Variants in BRD4 observed in about 807,000 individuals in gnomAD.
BRD4 encodes the protein bromodomain-containing protein 4.
In BRD4, 16 loss-of-function variants were observed where a neutral mutation model predicts 142.1. The ratio of observed to expected loss-of-function variants is 0.11; its 90% CI spans 0.08 to 0.17. The LOEUF is 0.17. Ranked by LOEUF, BRD4 falls within the 10% of genes least tolerant of loss-of-function variation. The pLI is 1.00. For missense variants in BRD4, 1,424 were observed against 1,810.9 expected (o/e 0.79, Z 3.88); for synonymous variants, 833 against 707.5 (o/e 1.18, Z -2.82).
chr19:15,249,155 T>C (rs1859347364), intron 11 of BRD4: 1 of 1,518,912 alleles, frequency 6.6e-7, no homozygotes, highest in Non-Finnish European at 9.0e-7. Context: ...GGCCCAGGGC[T>C]CTGAGGAATT....
rs1228584874 is a variant in BRD4 at position 15,239,202 on chromosome 19, G to C, written c.3639C>G (p.Pro1213=). The change falls in exon 18 of 20, where the codon CCC becomes CCG. Residue 1213 remains proline (P), a synonymous_variant. Coordinates refer to ENST00000679869, the MANE Select transcript of BRD4 (RefSeq NM_001379291.1). The surrounding 1 kb of genome is among the most constrained non-coding windows in gnomAD (Gnocchi z 7.4). ...CGCTGGATGACTTGGCTGTGGAGGA[G>C]GGGGTGGTCGGATGCTTCTGCACTA... ...ASLVQKHPTT[P]SSTAKSSSDS... The C allele has an allele frequency of 1.2e-6, 2 of 1,613,068 alleles. No individual in the cohort carries two copies. Among genetic ancestry groups the C allele is most frequent in the East Asian group, 2.2e-5 (1 of 44,886 alleles).
chr19:15,286,021 T>C (rs1055948705), intron 1 of BRD4, among the ~76,000 whole-genome samples: 17 of 152,174 alleles, frequency 1.1e-4, no homozygotes, highest in African/African-American at 2.4e-5. Flanking sequence ...CCAGATGCCA[T>C]GCTAGGCTTG....
At chr19:15,264,270 A>T in intron 6 of BRD4, 134 bp downstream of exon 6, 1 of 1,266,474 alleles carries the variant, frequency 7.9e-7, no homozygotes, top group Non-Finnish European at 1.1e-6. Flanking sequence ...AGTTTCTTCG[A>T]GTTGGCGGGA....
rs1348024472 is a variant in BRD4, at chr19:15,255,204, G to GC, written c.2047+92_2047+93insG. On this transcript the variant is annotated intron_variant, in intron 10 of 19. Transcript: ENST00000679869. The stretch of plus-strand genomic sequence containing the variant: ...ATTATAATTGGAAAAAAAAAAGGGG[G>GC]GGGGCGCAGAAAGAGTGGACTGAGC... 5.5e-6 allele frequency: 7 copies of GC among 1,273,164 alleles called. No homozygotes were observed. The Admixed American group carries it at 1.0e-4, about 19-fold the overall frequency. The allele number at this position is 1,273,164 out of a possible 1,614,324, so 78.9% of individuals were successfully genotyped here.
chr19:15,286,053 C>T lies in BRD4; in HGVS notation c.-34-12920G>A, dbSNP rs141906108. Among the ~76,000 whole-genome samples the T allele has an allele frequency of 1.1e-3, 166 of 152,326 alleles. 1 individual carries two copies. Among genetic ancestry groups the T allele is most frequent in the African/African-American group, 3.8e-3 (159 of 41,578 alleles). ...CTTGCCTCGTCCAGGGAGGGAGCCACCTCAAGGAGGTGCCCCATTACCCTC... is the reference window on the plus strand; with the variant it reads ...CTTGCCTCGTCCAGGGAGGGAGCCATCTCAAGGAGGTGCCCCATTACCCTC... On this transcript the variant is annotated intron_variant, in intron 1 of 19. Transcript: ENST00000679869.
At chr19:15,263,384 C>T (rs776447690) in intron 7 of BRD4, 36 bp downstream of exon 7, 2 of 1,604,176 alleles carry the variant, frequency 1.2e-6, no homozygotes, top group Non-Finnish European at 1.7e-6. Context: ...CCTCAGCCTG[C>T]TCTGCTGAGG....
rs1459662748 is a variant in BRD4 at position 15,252,191 on chromosome 19, G to A, written c.2158+1961C>T. Among the ~76,000 whole-genome samples, 3 of 152,328 alleles carry A rather than the reference G, an allele frequency of 2.0e-5. No homozygotes were observed. In the East Asian group the frequency reaches 5.8e-4, roughly 29 times the overall value. Reference sequence around the variant, plus strand: ...CAGAGGAGCCCAGAAGAGGGACGCAGAGGCCAAGGGCAAAGGCCATGATCA... The same window carrying A: ...CAGAGGAGCCCAGAAGAGGGACGCAAAGGCCAAGGGCAAAGGCCATGATCA... On this transcript the variant is annotated intron_variant, in intron 11 of 19. Coordinates refer to ENST00000679869, the MANE Select transcript of BRD4 (RefSeq NM_001379291.1).
intron 1 of BRD4, among the ~76,000 whole-genome samples, chr19:15,326,870 C>G (rs1025838240): frequency 1.3e-5 from 2 of 152,134 alleles, no homozygotes; most frequent in African/African-American, 2.4e-5. Context: ...GGTAGCCTGT[C>G]GAGACTGAAA....
At chr19:15,264,323 G>A (rs2047507009) in intron 6 of BRD4, 81 bp downstream of exon 6, 2 of 1,494,888 alleles carry the variant, frequency 1.3e-6, no homozygotes, top group South Asian at 1.4e-5. Context: ...GCTTCCTCTT[G>A]GACTAAAAGG....
intron 1 of BRD4, among the ~76,000 whole-genome samples, chr19:15,285,669 G>A (rs2047734557): frequency 6.6e-6 from 1 of 152,132 alleles, no homozygotes; most frequent in Admixed American, 6.5e-5. Context: ...TTTAAAAAGT[G>A]CACATCCCTG....
intron 10 of BRD4, 113 bp from the exon 11 acceptor site, chr19:15,254,375 C>T (rs1449627597): frequency 1.2e-5 from 11 of 915,592 alleles, no homozygotes; most frequent in South Asian, 4.3e-5. Flanking sequence ...AGCCTGTGCA[C>T]GGTGGGCCCA....
intron 1 of BRD4, chr19:15,280,272 G>A: frequency 2.0e-6 from 2 of 1,008,072 alleles, no homozygotes; most frequent in Non-Finnish European, 1.2e-6. Context: ...ACCAAGCACA[G>A]TGGCAACACC....
intron 11 of BRD4, among the ~76,000 whole-genome samples, chr19:15,250,783 G>C (rs891640105): frequency 6.6e-5 from 10 of 152,218 alleles, no homozygotes; most frequent in Non-Finnish European, 1.0e-4. Context: ...AAAGCTAGAA[G>C]ATTCCTAGGA....
chr19:15,249,027 C>T (rs2047316968), intron 11 of BRD4: 1 of 572,736 alleles, frequency 1.7e-6, no homozygotes, highest in South Asian at 2.1e-5. Context: ...GAAGGCTGGG[C>T]AGGACAGCCA....
intron 7 of BRD4, among the ~76,000 whole-genome samples, chr19:15,262,284 G>A (rs560286201): frequency 6.6e-5 from 10 of 152,284 alleles, no homozygotes; most frequent in Admixed American, 4.6e-4. Context: ...GCAGAAGCCC[G>A]CTGAGGCCTA....
chr19:15,268,826 C>T (rs918911542), intron 3 of BRD4, 79 bp downstream of exon 3: 20 of 1,536,766 alleles, frequency 1.3e-5, no homozygotes, highest in Non-Finnish European at 1.4e-5. Flanking sequence ...CCCCTGCCCA[C>T]GGGCTCCTGA....
chr19:15,318,292 C>T (rs749268296), intron 1 of BRD4, among the ~76,000 whole-genome samples: 12 of 151,398 alleles, frequency 7.9e-5, no homozygotes, highest in Admixed American at 1.3e-4. Context: ...GAGATTGGGG[C>T]GGGGGGGTGA....
At chr19:15,245,201 G>A (rs531688027) in intron 11 of BRD4, among the ~76,000 whole-genome samples, 1 of 152,180 alleles carries the variant, frequency 6.6e-6, no homozygotes, top group South Asian at 2.1e-4. Flanking sequence ...CTTCAGAAGG[G>A]AGGGGACTTG....
rs1391057374 is a variant in BRD4, at chr19:15,325,643, C to A, written c.-35+6647G>T. ...ATTGGAGAAATGGAAATACATGCAACCTTTCCAGAAAATAAGTTAAATCAA... is the reference window on the plus strand; with the variant it reads ...ATTGGAGAAATGGAAATACATGCAAACTTTCCAGAAAATAAGTTAAATCAA... On this transcript the variant is annotated intron_variant, in intron 1 of 19. Coordinates refer to ENST00000679869, the MANE Select transcript of BRD4 (RefSeq NM_001379291.1). Among the ~76,000 whole-genome samples the A allele has an allele frequency of 2.6e-5, 4 of 152,098 alleles. No homozygotes were observed. The East Asian group carries it at 7.7e-4, about 29-fold the overall frequency.
Sources: gnomAD v4.1 joint callset for allele counts (sites outside exome capture counted in the v4.1 genomes callset) on GRCh38, gnomAD v4.1.1 for gene constraint, Gnocchi (gnomAD v3.1) non-coding constraint, MANE v1.5 for transcripts, NCBI Gene and HGNC (gene_info 2026-07-23, HGNC 2026-07-21) for gene names.